Variants in ARHGAP26 observed in about 807,000 individuals in gnomAD.
ARHGAP26 encodes the protein rho GTPase-activating protein 26.
In ARHGAP26, 38 loss-of-function variants were observed where a neutral mutation model predicts 104.8. The observed-to-expected ratio is 0.36, with a 90% CI of 0.28 to 0.48. The LOEUF (loss-of-function observed/expected upper bound fraction) is 0.48, where lower values mean the gene tolerates loss of function less well. ARHGAP26 is among the 20% of genes least tolerant of loss of function. The pLI is 0.99. For synonymous variants in ARHGAP26, 341 were observed against 340.0 expected (o/e 1.00, Z -0.03); for missense variants, 704 against 947.9 (o/e 0.74, Z 3.38).
chr5:142,970,535 G>A (rs907864046), intron 11 of ARHGAP26, among the ~76,000 whole-genome samples: 5 of 152,190 alleles, frequency 3.3e-5, no homozygotes, highest in Admixed American at 6.5e-5. Context: ...CTGGCAAGAC[G>A]ACATACTTCT....
intron 1 of ARHGAP26, among the ~76,000 whole-genome samples, chr5:142,791,320 C>G (rs1240819065): frequency 6.6e-6 from 1 of 152,006 alleles, no homozygotes; most frequent in Non-Finnish European, 1.5e-5. Context: ...TAGATTAATG[C>G]TGTCACCAGC....
chr5:143,107,696 C>T (rs1383851585), intron 17 of ARHGAP26, among the ~76,000 whole-genome samples: 4 of 152,158 alleles, frequency 2.6e-5, no homozygotes, highest in African/African-American at 9.7e-5. Flanking sequence ...GGATCAGGGA[C>T]CCAGATCTCG....
intron 21 of ARHGAP26, among the ~76,000 whole-genome samples, chr5:143,208,521 A>T (rs1271891841): frequency 6.6e-6 from 1 of 152,334 alleles, no homozygotes; most frequent in East Asian, 1.9e-4. Context: ...CACATCTATC[A>T]TTTCATTCTA....
At chr5:143,185,812 A>T (rs149185901) in intron 20 of ARHGAP26, among the ~76,000 whole-genome samples, 77 of 152,278 alleles carry the variant, frequency 5.1e-4, no homozygotes, top group African/African-American at 1.7e-3. Flanking sequence ...AGTTGTCACA[A>T]GGCTGGCGAG....
intron 11 of ARHGAP26, among the ~76,000 whole-genome samples, chr5:142,951,833 G>T (rs915504916): frequency 2.0e-5 from 3 of 152,180 alleles, no homozygotes; most frequent in African/African-American, 7.2e-5. Flanking sequence ...ATGTGGATTA[G>T]TTTCCTAGAG....
intron 17 of ARHGAP26, among the ~76,000 whole-genome samples, chr5:143,112,085 C>T (rs1052620776): frequency 1.3e-5 from 2 of 152,190 alleles, no homozygotes; most frequent in African/African-American, 4.8e-5. Flanking sequence ...CATACCTGTC[C>T]TCTTGGAGCT....
intron 17 of ARHGAP26, among the ~76,000 whole-genome samples, chr5:143,091,161 G>T (rs1791370313): frequency 1.3e-5 from 2 of 152,180 alleles, no homozygotes. Flanking sequence ...GACTCTGGAG[G>T]GGGCGGCGCT....
chr5:143,148,618 A>G (rs1159312149), intron 20 of ARHGAP26, among the ~76,000 whole-genome samples: 1 of 152,170 alleles, frequency 6.6e-6, no homozygotes, highest in Admixed American at 6.5e-5. Flanking sequence ...CAAGAAGTGG[A>G]CCAGTGCCTC....
chr5:142,859,231 A>C (rs1436276678), intron 1 of ARHGAP26, among the ~76,000 whole-genome samples: 1 of 152,176 alleles, frequency 6.6e-6, no homozygotes, highest in Non-Finnish European at 1.5e-5. Context: ...TCCAGGCCAG[A>C]GATGATGGTG....
At chr5:143,096,030 T>TA (rs1300325641) in intron 17 of ARHGAP26, among the ~76,000 whole-genome samples, 1 of 152,236 alleles carries the variant, frequency 6.6e-6, no homozygotes. Context: ...GGTAATTTTT[T>TA]AAAAAAATTA....
chr5:143,138,511 G>A (rs906037202), intron 19 of ARHGAP26, among the ~76,000 whole-genome samples: 32 of 152,214 alleles, frequency 2.1e-4, no homozygotes, highest in African/African-American at 5.8e-4. Flanking sequence ...TTTCTGAAAG[G>A]AAGAGTTTTG....
At chr5:143,026,821 G>T (rs1326986501) in intron 12 of ARHGAP26, among the ~76,000 whole-genome samples, 2 of 141,650 alleles carry the variant, frequency 1.4e-5, no homozygotes, top group African/African-American at 5.1e-5. Flanking sequence ...GGGGGTGGGG[G>T]CAAAATTGAA....
At chr5:142,999,881 A>G (rs1562234905) in intron 11 of ARHGAP26, among the ~76,000 whole-genome samples, 1 of 152,180 alleles carries the variant, frequency 6.6e-6, no homozygotes, top group Non-Finnish European at 1.5e-5. Flanking sequence ...ATATCTGACA[A>G]AGGACATATC....
intron 20 of ARHGAP26, among the ~76,000 whole-genome samples, chr5:143,157,652 G>A (rs747497251): frequency 6.6e-6 from 1 of 152,130 alleles, no homozygotes; most frequent in Non-Finnish European, 1.5e-5. Flanking sequence ...ATTCTAAATC[G>A]ACATTCTACT....
intron 22 of ARHGAP26, among the ~76,000 whole-genome samples, chr5:143,218,788 C>T (rs1599570934): frequency 6.6e-6 from 1 of 152,232 alleles, no homozygotes; most frequent in Non-Finnish European, 1.5e-5. Flanking sequence ...GCCCAACAAG[C>T]ACTTAGCATC....
intron 17 of ARHGAP26, among the ~76,000 whole-genome samples, chr5:143,113,492 T>C (rs1795020458): frequency 6.6e-6 from 1 of 152,172 alleles, no homozygotes; most frequent in South Asian, 2.1e-4. Context: ...CAGAACCCAT[T>C]TTGGCTATTT....
At chr5:143,159,417 G>A (rs1011407356) in intron 20 of ARHGAP26, among the ~76,000 whole-genome samples, 3 of 152,166 alleles carry the variant, frequency 2.0e-5, no homozygotes, top group Non-Finnish European at 2.9e-5. Context: ...TAGTAGAGTT[G>A]AGTACTATCC....
At chr5:142,861,590 C>T (rs192790984) in intron 1 of ARHGAP26, among the ~76,000 whole-genome samples, 12 of 152,094 alleles carry the variant, frequency 7.9e-5, no homozygotes, top group African/African-American at 1.2e-4. Flanking sequence ...TGGTAGGGGC[C>T]GGGTGGCTTC....
intron 11 of ARHGAP26, among the ~76,000 whole-genome samples, chr5:142,953,511 T>G (rs1004277134): frequency 6.6e-6 from 1 of 152,146 alleles, no homozygotes; most frequent in Non-Finnish European, 1.5e-5. Context: ...TTCTCCTGGG[T>G]TTGTAGCTTT....
Sources: gnomAD v4.1 joint callset for allele counts (sites outside exome capture counted in the v4.1 genomes callset) on GRCh38, gnomAD v4.1.1 for gene constraint, MANE v1.5 for transcripts, NCBI Gene and HGNC (gene_info 2026-07-23, HGNC 2026-07-21) for gene names.